MGAM: variants seen among roughly 807,000 people sequenced by gnomAD.
The protein encoded by MGAM is alpha-1,4-glucosidase.
In MGAM, 253 loss-of-function variants were observed where a neutral mutation model predicts 358.8. The ratio of observed to expected loss-of-function variants is 0.71; its 90% CI spans 0.64 to 0.78. The LOEUF is 0.78. Among genes scored for constraint, MGAM ranks in the 30% least tolerant of loss-of-function variants. The pLI is 0.00. For synonymous variants in MGAM, 1,105 were observed against 1,227.1 expected, an observed-to-expected ratio of 0.90 and a Z score of 2.08; for missense variants, 3,080 against 3,432.6, an observed-to-expected ratio of 0.90 and a Z score of 2.57.
rs766696337 is a variant in MGAM, at chr7:142,066,680, C to T, written c.4878C>T (p.Ala1626=). The part of the protein sequence containing the change: ...LPYLYTLMQK[A]HTEGVTVVRP... ...ATCTGTATACCTTGATGCAAAAGGC[C>T]CACACGGAGGGCGTCACTGTTGTGC... Residue 1626 remains alanine, a synonymous_variant, in exon 41 of 71, where the codon GCC becomes GCT. Transcript: ENST00000475668. The T allele has an allele frequency of 1.9e-6, 3 of 1,555,872 alleles. 1 individual carries two copies. In the Admixed American group the frequency reaches 5.1e-5, roughly 27 times the overall value.
In MGAM at chr7:142,082,198, C is replaced by T; in HGVS notation, c.6159C>T (p.Asp2053=). The change falls in exon 51 of 71, where the codon GAC becomes GAT. Residue 2053 remains aspartate, a synonymous_variant. Transcript: ENST00000475668. The part of the protein sequence containing the change: ...EWHTWGMFSR[D]QPPGYKKNSY... The stretch of plus-strand genomic sequence containing the variant: ...ACACTTGGGGGATGTTCTCCCGAGA[C>T]CAGCCCCCAGGGGTAAGGACAGAGC... 1 of 1,554,614 alleles carries T rather than the reference C, an allele frequency of 6.4e-7. No individual in the cohort carries two copies. The highest frequency in any genetic ancestry group is 8.8e-7 in the Non-Finnish European group (1 of 1,132,224).
At position 142,050,882 on chromosome 7, in the gene MGAM, T is replaced by A. The variant is rs1202207651; in HGVS notation, c.2805+18T>A. ...ACCTGAAGGTAAAAACCCATTTTGT[T>A]GAGATGGTACATTGAGAATTCTCCA... is the stretch of plus-strand genomic sequence containing the variant. On this transcript the variant is annotated intron_variant, in intron 24 of 70. Coordinates refer to ENST00000475668, the MANE Select transcript of MGAM (RefSeq NM_001365693.1). The A allele has an allele frequency of 1.8e-5, 29 of 1,613,326 alleles. No individual in the cohort carries two copies. Among genetic ancestry groups the A allele is most frequent in the Non-Finnish European group, 2.2e-5 (26 of 1,179,456 alleles).
At chr7:142,022,186 A>G in intron 6 of MGAM, 82 bp from the exon 7 acceptor site, 2 of 1,312,326 alleles carry the variant, frequency 1.5e-6, no homozygotes, top group Non-Finnish European at 2.1e-6. Flanking sequence ...AGTCACTGAG[A>G]TATAAAGGAC....
Position 142,086,039 on chromosome 7 carries a change from T to G in MGAM, c.6636+78T>G, listed in dbSNP as rs1464696616. 19 of 1,513,114 alleles carry G rather than the reference T, an allele frequency of 1.3e-5. 2 individuals are homozygous for G. The highest frequency in any genetic ancestry group is 1.6e-5 in the Non-Finnish European group (18 of 1,103,162). The allele number at this position is 1,513,114 out of a possible 1,614,324, so 93.7% of individuals were successfully genotyped here. On this transcript the variant is annotated intron_variant, in intron 55 of 70. Transcript: ENST00000475668. ...GTTGGAGAAAGTGTTATACTTTATT[T>G]CCATGTTGCAAGTAGATAAATTGAA...
At chr7:142,105,155 CTG>C (rs1283931948) in intron 70 of MGAM, among the ~76,000 whole-genome samples, 1 of 152,106 alleles carries the variant, frequency 6.6e-6, no homozygotes, top group Non-Finnish European at 1.5e-5. Flanking sequence ...TGGGCAAACA[CTG>C]GGGTGCTATA....
At chr7:142,041,982 A>AAT (rs1554469036) in intron 21 of MGAM, among the ~76,000 whole-genome samples, 1,461 of 13,138 alleles carry the variant, frequency 0.11, 95 homozygotes, top group Non-Finnish European at 0.17. Context: ...ATATATATAT[A>AAT]ATATAATATA....
rs545537633 is a variant in MGAM, at chr7:142,081,929, G to T, written c.6003-113G>T. 8.9e-6 allele frequency: 10 copies of T among 1,119,832 alleles called. 2 individuals are homozygous for T. The East Asian group carries it at 1.5e-4, about 16-fold the overall frequency. 69.4% of individuals were successfully genotyped at this position (1,119,832 alleles called of 1,614,324 possible). The stretch of plus-strand genomic sequence containing the variant: ...AATTGAGTTTCAGTTTTGTTTGGGA[G>T]ATGAACAGCTTCTGGGTAGGAATCA... On this transcript the variant is annotated intron_variant, in intron 50 of 70. Coordinates refer to ENST00000475668, the MANE Select transcript of MGAM (RefSeq NM_001365693.1).
intron 10 of MGAM, among the ~76,000 whole-genome samples, chr7:142,028,124 C>T (rs1312239496): frequency 2.0e-5 from 3 of 152,142 alleles, no homozygotes; most frequent in Non-Finnish European, 1.5e-5. Context: ...TAATGCTTCT[C>T]AGTATGGATT....
intron 65 of MGAM, 126 bp from the exon 66 acceptor site, chr7:142,097,467 C>A (rs1816028575): frequency 2.3e-6 from 2 of 857,586 alleles, no homozygotes; most frequent in African/African-American, 1.7e-5. Flanking sequence ...CAATAGGTGA[C>A]CTCCTGGGAC....
At chr7:142,046,589 T>G (rs1810439669) in intron 21 of MGAM, among the ~76,000 whole-genome samples, 1 of 152,092 alleles carries the variant, frequency 6.6e-6, no homozygotes, top group Non-Finnish European at 1.5e-5. Flanking sequence ...CACACGGAGA[T>G]TCTAGGTTTT....
chr7:141,990,626 C>T (rs557100900), intron 2 of MGAM, among the ~76,000 whole-genome samples: 2 of 151,864 alleles, frequency 1.3e-5, no homozygotes, highest in Admixed American at 6.6e-5. Context: ...TGTCTTTTTA[C>T]TGCAGTTTCT....
upstream of MGAM, among the ~76,000 whole-genome samples, chr7:141,994,583 G>C (rs561582842): frequency 2.4e-4 from 37 of 152,290 alleles, no homozygotes; most frequent in Non-Finnish European, 5.0e-4. Flanking sequence ...TTTCACAATA[G>C]TGATTGATAT....
chr7:142,012,086 T>C (rs1465369560), intron 3 of MGAM, among the ~76,000 whole-genome samples: 1 of 152,322 alleles, frequency 6.6e-6, no homozygotes, highest in East Asian at 1.9e-4. Flanking sequence ...TATCATCAAG[T>C]GCTTTCAACT....
intron 51 of MGAM, 37 bp downstream of exon 51, chr7:142,082,247 C>T (rs1401213403): frequency 6.5e-7 from 1 of 1,537,514 alleles, no homozygotes; most frequent in East Asian, 2.3e-5. Flanking sequence ...GTCTCTGCTT[C>T]TCTCCACCCA....
intron 37 of MGAM, 64 bp downstream of exon 37, chr7:142,064,586 C>T (rs933599419): frequency 3.6e-5 from 55 of 1,531,704 alleles, no homozygotes; most frequent in Non-Finnish European, 4.6e-5. Flanking sequence ...ACTGACATAG[C>T]TACCCTAGTT....
In MGAM at chr7:142,073,938, T is replaced by C; in HGVS notation, c.5187-147T>C. 2 of 630,972 alleles carry C rather than the reference T, an allele frequency of 3.2e-6. 1 individual carries two copies. The allele number at this position is 630,972 out of a possible 1,614,324, so 39.1% of individuals were successfully genotyped here. On this transcript the variant is annotated intron_variant, in intron 44 of 70. Transcript: ENST00000475668. Reference sequence around the variant, plus strand: ...ACTGTTGATATTATAGAAAAATGCATCTGTCGATTTTGTGTTTGTACCTCA... The same window carrying C: ...ACTGTTGATATTATAGAAAAATGCACCTGTCGATTTTGTGTTTGTACCTCA...
Position 142,059,415 on chromosome 7 carries a change from C to T in MGAM, c.3820-57C>T. 2.5e-6 allele frequency: 4 copies of T among 1,581,330 alleles called. 1 individual carries two copies. In the South Asian group the frequency reaches 3.4e-5, roughly 14 times the overall value. ...CCATGGGTGGTGGAGGGTTGTTCTCCTATAAAGCTTGGGCGTGTACAGCAG... is the reference window on the plus strand; with the variant it reads ...CCATGGGTGGTGGAGGGTTGTTCTCTTATAAAGCTTGGGCGTGTACAGCAG... On this transcript the variant is annotated intron_variant, in intron 31 of 70. Transcript: ENST00000475668.
chr7:142,002,142 C>T (rs1804782949), intron 1 of MGAM, among the ~76,000 whole-genome samples: 1 of 152,110 alleles, frequency 6.6e-6, no homozygotes, highest in South Asian at 2.1e-4. Flanking sequence ...AAATGTTTAG[C>T]ACATGTGTCT....
At chr7:142,021,922 A>G (rs1040353675) in intron 6 of MGAM, among the ~76,000 whole-genome samples, 185 bp downstream of exon 6, 3 of 152,054 alleles carry the variant, frequency 2.0e-5, no homozygotes, top group Admixed American at 1.3e-4. Context: ...TGTTTGCACA[A>G]TCATTTTTTT....
Sources: allele counts gnomAD v4.1 joint callset (sites outside exome capture counted in the v4.1 genomes callset), GRCh38; gene constraint gnomAD v4.1.1; transcripts MANE v1.5; gene names NCBI Gene and HGNC (gene_info 2026-07-23, HGNC 2026-07-21).